The following TRIM77 variants were observed in gnomAD, a reference collection of about 807,000 sequenced individuals.
TRIM77 encodes tripartite motif-containing protein 77.
TRIM77 carries 23 observed loss-of-function variants against 31.8 expected under a neutral mutation model. The ratio of observed to expected loss-of-function variants is 0.72; its 90% CI spans 0.52 to 1.02. TRIM77 has a LOEUF of 1.02. Among genes scored for constraint, TRIM77 ranks in the 50% least tolerant of loss-of-function variants. The probability of loss-of-function intolerance (pLI) is 0.00; values close to 1 mark genes in which losing one functional copy is unlikely to be tolerated. For missense variants in TRIM77, 446 were observed against 539.2 expected, an observed-to-expected ratio of 0.83 and a Z score of 1.71; for synonymous variants, 159 against 183.1, an observed-to-expected ratio of 0.87 and a Z score of 1.06.
intron 2 of TRIM77, among the ~76,000 whole-genome samples, chr11:89,712,748 G>A (rs775769760): frequency 1.3e-5 from 2 of 152,172 alleles, no homozygotes; most frequent in Non-Finnish European, 2.9e-5. Flanking sequence ...AAGTTGTAAT[G>A]TTTGGTTCAG....
At chr11:89,717,166 T>A (rs1949167251) in intron 5 of TRIM77, among the ~76,000 whole-genome samples, 1 of 152,162 alleles carries the variant, frequency 6.6e-6, no homozygotes, top group Admixed American at 6.5e-5. Flanking sequence ...AGCAAATTGT[T>A]AAATGTTTTG....
intron 3 of TRIM77, 52 bp from the exon 4 acceptor site, chr11:89,715,106 T>C (rs1949151058): frequency 1.9e-6 from 3 of 1,539,610 alleles, no homozygotes; most frequent in South Asian, 2.4e-5. Context: ...CTAGGATATA[T>C]TGAGAGAACC....
At chr11:89,711,726 C>T (rs1029078350) in intron 2 of TRIM77, among the ~76,000 whole-genome samples, 4 of 152,020 alleles carry the variant, frequency 2.6e-5, no homozygotes, top group African/African-American at 9.7e-5. Flanking sequence ...GCAGTATCTA[C>T]CAATAATACA....
intron 3 of TRIM77, 63 bp from the exon 4 acceptor site, chr11:89,715,094 GT>G: frequency 6.7e-7 from 1 of 1,501,284 alleles, no homozygotes; most frequent in South Asian, 1.2e-5. Flanking sequence ...CAGACTGCAT[GT>G]CTAGGATATA....
At chr11:89,715,425 C>T (rs1949154086) in intron 4 of TRIM77, among the ~76,000 whole-genome samples, 1 of 152,120 alleles carries the variant, frequency 6.6e-6, no homozygotes, top group African/African-American at 2.4e-5. Context: ...TAATTTTCTA[C>T]ATCCTAATTA....
intron 2 of TRIM77, among the ~76,000 whole-genome samples, chr11:89,713,454 TC>T (rs770097545): frequency 0.14 from 10,176 of 70,638 alleles, 728 homozygotes; most frequent in Admixed American, 0.41. Flanking sequence ...AGACCTTGTC[TC>T]AATAATAATA....
intron 3 of TRIM77, 85 bp downstream of exon 3, chr11:89,714,507 A>G (rs1949147856): frequency 4.1e-6 from 4 of 985,774 alleles, no homozygotes; most frequent in African/African-American, 3.3e-5. Flanking sequence ...TTTGATCTAT[A>G]TTACTTTTCC....
rs1290535468 is a variant in TRIM77 at position 89,710,424 on chromosome 11, G to T, written c.126G>T (p.Leu42Phe). The change falls in exon 1 of 6, where the codon TTG becomes TTT. Residue 42 changes from leucine (L) to phenylalanine (F), a missense_variant. Physicochemically the swap from Leu to Phe is conservative, Grantham distance 22 (BLOSUM62 0). This residue lies in a region of TRIM77 where 72 missense variants were observed against 64.7 expected (regional missense o/e 1.11). Coordinates refer to ENST00000398290, the MANE Select transcript of TRIM77 (RefSeq NM_001146162.1). ...TTTGTAGTCCCTGTCTCTGCCTCTTGTGGGAAGATACACTAACTCCTAATT... is the reference window on the plus strand; with the variant it reads ...TTTGTAGTCCCTGTCTCTGCCTCTTTTGGGAAGATACACTAACTCCTAATT... ...HRFCSPCLCL[L>F]WEDTLTPNCC... 6.4e-7 allele frequency: 1 copy of T among 1,551,826 alleles called. No homozygotes were observed. The highest frequency in any genetic ancestry group is 8.7e-7 in the Non-Finnish European group (1 of 1,147,006).
In TRIM77 at chr11:89,717,733, G is replaced by C; in HGVS notation, c.1214G>C (p.Gly405Ala). 3.9e-6 allele frequency: 6 copies of C among 1,551,246 alleles called. No individual in the cohort carries two copies. The Middle Eastern group carries it at 6.7e-4, about 173-fold the overall frequency. The change falls in exon 6 of 6, where the codon GGC (glycine) becomes GCC (alanine). Residue 405 changes from glycine to alanine, a missense_variant. Transcript: ENST00000398290. Reference protein sequence around the residue: ...LLPHYIPRPQGWLGVFLDYEC... With the variant: ...LLPHYIPRPQAWLGVFLDYEC... ...CCTCACTATATTCCAAGGCCCCAAGGCTGGCTAGGGGTGTTCCTGGATTAT... is the reference window on the plus strand; with the variant it reads ...CCTCACTATATTCCAAGGCCCCAAGCCTGGCTAGGGGTGTTCCTGGATTAT...
At chr11:89,712,908 T>A (rs1280452006) in intron 2 of TRIM77, among the ~76,000 whole-genome samples, 1 of 152,002 alleles carries the variant, frequency 6.6e-6, no homozygotes, top group Non-Finnish European at 1.5e-5. Context: ...AATATTTTAA[T>A]TTTTTTTCCA....
chr11:89,710,656 A>G lies in TRIM77; in HGVS notation c.358A>G (p.Arg120Gly). Residue 120 changes from arginine (R) to glycine (G), a missense_variant, in exon 1 of 6, where the codon AGG becomes GGG. This residue lies in a region of TRIM77 where 366 missense variants were observed against 447.9 expected (regional missense o/e 0.82). Coordinates refer to ENST00000398290, the MANE Select transcript of TRIM77 (RefSeq NM_001146162.1). ...GTGTTTTCTATGCTCTCAATCCCCA[A>G]GGCATGCTACTCACAAACACTATAT... is the stretch of plus-strand genomic sequence containing the variant. ...LLCFLCSQSP[R>G]HATHKHYMTR... 6.4e-7 allele frequency: 1 copy of G among 1,550,800 alleles called. No homozygotes were observed. Among genetic ancestry groups the G allele is most frequent in the Non-Finnish European group, 8.7e-7 (1 of 1,146,450 alleles).
chr11:89,711,337 A>G (rs1358461791), intron 1 of TRIM77, 73 bp from the exon 2 acceptor site: 1 of 728,420 alleles, frequency 1.4e-6, no homozygotes, highest in Non-Finnish European at 2.2e-6. Context: ...CCATGTCTGT[A>G]CCTCTTTTGG....
intron 5 of TRIM77, 145 bp from the exon 6 acceptor site, chr11:89,717,234 G>GAAATATTCC: frequency 1.3e-6 from 1 of 769,792 alleles, no homozygotes; most frequent in South Asian, 2.0e-5. Context: ...TAGTGAGGTG[G>GAAATATTCC]AAATATTCCT....
At chr11:89,716,860 G>T (rs1425912023) in intron 5 of TRIM77, among the ~76,000 whole-genome samples, 2 of 151,672 alleles carry the variant, frequency 1.3e-5, no homozygotes, top group Non-Finnish European at 1.5e-5. Flanking sequence ...TTTTTATTTT[G>T]CGAAAATTGG....
At chr11:89,714,086 C>T (rs1263193889) in intron 2 of TRIM77, 106 bp from the exon 3 acceptor site, 2 of 722,204 alleles carry the variant, frequency 2.8e-6, no homozygotes, top group South Asian at 2.0e-5. Context: ...AAGCATTAAA[C>T]TATATTTAGT....
intron 2 of TRIM77, among the ~76,000 whole-genome samples, chr11:89,712,086 G>A (rs1345025773): frequency 1.3e-5 from 2 of 151,994 alleles, no homozygotes; most frequent in African/African-American, 4.8e-5. Context: ...TAAGAATTTA[G>A]GATTATATAA....
intron 1 of TRIM77, 139 bp from the exon 2 acceptor site, chr11:89,711,271 A>G (rs1949119987): frequency 8.3e-6 from 4 of 481,906 alleles, no homozygotes; most frequent in Admixed American, 4.3e-5. Flanking sequence ...GGACTTGACA[A>G]TCAGTGCCCT....
chr11:89,713,454 T>TAAATAA (rs1565425741), intron 2 of TRIM77, among the ~76,000 whole-genome samples: 10 of 70,710 alleles, frequency 1.4e-4, no homozygotes, highest in Non-Finnish European at 1.6e-4. Flanking sequence ...AGACCTTGTC[T>TAAATAA]CAATAATAAT....
intron 1 of TRIM77, among the ~76,000 whole-genome samples, chr11:89,711,041 G>C (rs1266126918): frequency 1.3e-5 from 2 of 152,278 alleles, no homozygotes; most frequent in African/African-American, 4.8e-5. Context: ...ACACAGTCAT[G>C]ATTGCAATGA....
Sources: allele counts gnomAD v4.1 joint callset (sites outside exome capture counted in the v4.1 genomes callset), GRCh38; gene constraint gnomAD v4.1.1; regional missense constraint gnomAD v4.1.1; transcripts MANE v1.5; gene names NCBI Gene and HGNC (gene_info 2026-07-23, HGNC 2026-07-21).